Variants in EIF4G3 observed in about 807,000 individuals in gnomAD.
EIF4G3 encodes the protein eukaryotic translation initiation factor 4 gamma 3.
In EIF4G3, 34 loss-of-function variants were observed where a neutral mutation model predicts 186.4. The ratio of observed to expected loss-of-function variants is 0.18; its 90% CI spans 0.14 to 0.24. EIF4G3 has a LOEUF of 0.24. Among genes scored for constraint, EIF4G3 ranks in the 10% least tolerant of loss-of-function variants. The probability of loss-of-function intolerance (pLI) is 1.00; values close to 1 mark genes in which losing one functional copy is unlikely to be tolerated. For missense variants in EIF4G3, 1,536 were observed against 1,948.5 expected, an observed-to-expected ratio of 0.79 and a Z score of 3.99; for synonymous variants, 673 against 679.5, an observed-to-expected ratio of 0.99 and a Z score of 0.15.
At chr1:20,980,904 A>G (rs1016648630) in intron 9 of EIF4G3, 144 bp downstream of exon 9, 1 of 580,480 alleles carries the variant, frequency 1.7e-6, no homozygotes, top group Non-Finnish European at 2.7e-6. Context: ...AAAAATCACA[A>G]AAGGGCTAGA....
Position 20,969,585 on chromosome 1 carries a change from C to G in EIF4G3, c.603G>C (p.Arg201=), listed in dbSNP as rs1281011625. The part of the protein sequence containing the change: ...AKREKKTIRI[R]DPNQGGKDIT... ...TGTCTTTACCTCCCTGGTTTGGATC[C>G]CGAATTCTTATCTATAAGGTTAAAT... is the stretch of plus-strand genomic sequence containing the variant. The change falls in exon 12 of 37, where the codon CGG becomes CGC. Residue 201 remains arginine (R), a synonymous_variant. Transcript: ENST00000602326. The G allele has an allele frequency of 6.2e-7, 1 of 1,613,408 alleles. No homozygotes were observed. Among genetic ancestry groups the G allele is most frequent in the Non-Finnish European group, 8.5e-7 (1 of 1,179,692 alleles).
intron 2 of EIF4G3, chr1:21,167,823 TAAA>T (rs2097884397): frequency 3.9e-6 from 1 of 259,096 alleles, no homozygotes; most frequent in African/African-American, 2.3e-5. Flanking sequence ...CTTGAACATA[TAAA>T]GATGAACTTA....
At position 21,003,098 on chromosome 1, in the gene EIF4G3, T is replaced by C. The variant is rs559046506; in HGVS notation, c.-66-290A>G. ...GCAGCCTCAAACTCATGGTTTTAAG[T>C]GGATCCTCCCACCTCAGCCTCTGGA... On this transcript the variant is annotated intron_variant, in intron 4 of 36. Transcript: ENST00000602326. Among the ~76,000 whole-genome samples the C allele has an allele frequency of 7.9e-5, 12 of 150,982 alleles. No individual in the cohort carries two copies. The South Asian group carries it at 1.7e-3, about 21-fold the overall frequency.
intron 2 of EIF4G3, among the ~76,000 whole-genome samples, chr1:21,103,045 T>C (rs2096554485): frequency 6.6e-6 from 1 of 152,240 alleles, no homozygotes; most frequent in South Asian, 2.1e-4. Context: ...ATGTATTTTT[T>C]AAATTGATAA....
Position 21,176,885 on chromosome 1 carries a change from C to A in EIF4G3, c.-619G>T. On this transcript the variant is annotated 5_prime_UTR_variant, in exon 1 of 37. Coordinates refer to ENST00000602326, the MANE Select transcript of EIF4G3 (RefSeq NM_001391906.1). Reference sequence around the variant, plus strand: ...GGCGCTGTGGCCGCCTCCAGCAGTCCGGCAGGACGGCTGCTCGGAAAACTT... The same window carrying A: ...GGCGCTGTGGCCGCCTCCAGCAGTCAGGCAGGACGGCTGCTCGGAAAACTT... 1 of 691,860 alleles carries A rather than the reference C, an allele frequency of 1.4e-6. No homozygotes were observed. The highest frequency in any genetic ancestry group is 2.6e-6 in the Non-Finnish European group (1 of 379,312). The allele number at this position is 691,860 out of a possible 1,614,324, so 42.9% of individuals were successfully genotyped here. A position where few individuals can be genotyped will look rare whatever the true frequency, so the allele number is the denominator to read the frequency against.
At chr1:21,075,860 T>C (rs1005140822) in intron 3 of EIF4G3, among the ~76,000 whole-genome samples, 3 of 152,216 alleles carry the variant, frequency 2.0e-5, no homozygotes, top group Non-Finnish European at 2.9e-5. Flanking sequence ...AAGGGTGAGA[T>C]AGACTAAAAT....
chr1:21,081,248 T>C (rs1166865184), intron 3 of EIF4G3, among the ~76,000 whole-genome samples: 1 of 152,088 alleles, frequency 6.6e-6, no homozygotes, highest in East Asian at 1.9e-4. Flanking sequence ...ATGGCCAACA[T>C]GGTGAAACCC....
intron 2 of EIF4G3, among the ~76,000 whole-genome samples, chr1:21,155,863 AGGCCT>A (rs1365646972): frequency 6.6e-6 from 1 of 152,216 alleles, no homozygotes; most frequent in Non-Finnish European, 1.5e-5. Context: ...GCAGTGGCTC[AGGCCT>A]GTAATCCCAG....
At chr1:20,989,013 T>G in intron 7 of EIF4G3, among the ~76,000 whole-genome samples, 1 of 113,852 alleles carries the variant, frequency 8.8e-6, no homozygotes, top group African/African-American at 3.5e-5. Context: ...CTAGCCCAGG[T>G]AACATCGTGA....
rs773049619 is a variant in EIF4G3, at chr1:20,860,472, C to T, written c.3157G>A (p.Glu1053Lys). The T allele has an allele frequency of 5.0e-6, 8 of 1,613,928 alleles. No homozygotes were observed. Among genetic ancestry groups the T allele is most frequent in the Admixed American group, 3.3e-5 (2 of 59,986 alleles). Reference sequence around the variant, plus strand: ...ATTTTAGCCTCTTTGTGAATCTGTTCGATAGTTTTAGGCCCTTGATCTGCT... The same window carrying T: ...ATTTTAGCCTCTTTGTGAATCTGTTTGATAGTTTTAGGCCCTTGATCTGCT... ...RRADQGPKTI[E>K]QIHKEAKIEE... Residue 1053 changes from glutamate (E) to lysine (K), a missense_variant, in exon 24 of 37, where the codon GAA becomes AAA. Around this residue, in one of 11 missense-constraint regions of EIF4G3, gnomAD observed 110 missense variants for 166.2 expected, o/e 0.66. Transcript: ENST00000602326.
intron 33 of EIF4G3, among the ~76,000 whole-genome samples, chr1:20,823,265 C>T (rs1025994346): frequency 6.6e-6 from 1 of 152,180 alleles, no homozygotes; most frequent in South Asian, 2.1e-4. Context: ...CCTTCTGGGA[C>T]TCCAATTAGA....
chr1:20,872,078 ATT>A (rs1463252922), intron 20 of EIF4G3, among the ~76,000 whole-genome samples: 1 of 151,448 alleles, frequency 6.6e-6, no homozygotes, highest in African/African-American at 2.4e-5. Context: ...ATTTTGCCAT[ATT>A]TGTTTTAGAT....
At chr1:21,027,810 G>A (rs1325391259) in intron 4 of EIF4G3, among the ~76,000 whole-genome samples, 2 of 152,050 alleles carry the variant, frequency 1.3e-5, no homozygotes, top group African/African-American at 4.8e-5. Flanking sequence ...AAATGAAAAC[G>A]AGGTCTTAAG....
At chr1:21,052,777 T>TTC in intron 3 of EIF4G3, among the ~76,000 whole-genome samples, 1 of 152,346 alleles carries the variant, frequency 6.6e-6, no homozygotes, top group East Asian at 1.9e-4. Context: ...GAGACGGGGT[T>TTC]TCGCTGTGTT....
intron 7 of EIF4G3, among the ~76,000 whole-genome samples, chr1:20,995,166 G>A (rs1025361952): frequency 6.6e-6 from 1 of 152,090 alleles, no homozygotes; most frequent in African/African-American, 2.4e-5. Flanking sequence ...TTTTCTTAGA[G>A]AACAGAATTT....
chr1:20,867,420 T>C (rs899238767), intron 20 of EIF4G3, among the ~76,000 whole-genome samples: 4 of 152,156 alleles, frequency 2.6e-5, no homozygotes, highest in African/African-American at 4.8e-5. Flanking sequence ...CATGATAAAA[T>C]AGCTGGTGAA....
chr1:20,881,248 G>T (rs1303284571), intron 19 of EIF4G3, among the ~76,000 whole-genome samples: 1 of 152,154 alleles, frequency 6.6e-6, no homozygotes, highest in African/African-American at 2.4e-5. Flanking sequence ...TTCAACAAAT[G>T]GTGCTGGAAC....
chr1:20,858,391 C>T (rs2075556321), intron 24 of EIF4G3, among the ~76,000 whole-genome samples: 1 of 152,112 alleles, frequency 6.6e-6, no homozygotes, highest in African/African-American at 2.4e-5. Flanking sequence ...TTACTACTCC[C>T]TTTGCCTAAA....
chr1:20,895,554 T>C lies in EIF4G3; in HGVS notation c.2000-53A>G, dbSNP rs1424249560. 5 of 1,569,954 alleles carry C rather than the reference T, an allele frequency of 3.2e-6. No homozygotes were observed. In the East Asian group the frequency reaches 9.0e-5, roughly 28 times the overall value. ...GTTTGTAGGGCATTATATACAGTCA[T>C]GCATTGCATAACGATGTTTCGATCA... is the stretch of plus-strand genomic sequence containing the variant. On this transcript the variant is annotated intron_variant, in intron 16 of 36. Coordinates refer to ENST00000602326, the MANE Select transcript of EIF4G3 (RefSeq NM_001391906.1).
Sources: gnomAD v4.1 joint callset for allele counts (sites outside exome capture counted in the v4.1 genomes callset) on GRCh38, gnomAD v4.1.1 for gene constraint, gnomAD v4.1.1 regional missense constraint, MANE v1.5 for transcripts, NCBI Gene and HGNC (gene_info 2026-07-23, HGNC 2026-07-21) for gene names.